C10orf143: variants seen among roughly 807,000 people sequenced by gnomAD.
C10orf143 encodes the protein uncharacterized protein C10orf143.
intron 3 of C10orf143, among the ~76,000 whole-genome samples, chr10:130,053,281 G>A (rs1432903879): frequency 2.0e-5 from 3 of 152,148 alleles, no homozygotes; most frequent in Admixed American, 6.5e-5. Context: ...GGATGGTCTC[G>A]ATCTCCTGAT....
At chr10:130,039,275 TGAG>T (rs984992521) in intron 3 of C10orf143, among the ~76,000 whole-genome samples, 10 of 152,226 alleles carry the variant, frequency 6.6e-5, no homozygotes, top group African/African-American at 2.2e-4. Context: ...TTTTGGGGGC[TGAG>T]AAGTCCCACA....
intron 1 of C10orf143, among the ~76,000 whole-genome samples, chr10:130,090,258 G>A (rs1411209945): frequency 6.6e-6 from 1 of 152,184 alleles, no homozygotes; most frequent in Non-Finnish European, 1.5e-5. Context: ...TGCAGCCCAT[G>A]GAGGGACAAC....
At chr10:130,053,621 C>T (rs1413919769) in intron 3 of C10orf143, among the ~76,000 whole-genome samples, 4 of 152,136 alleles carry the variant, frequency 2.6e-5, no homozygotes, top group Non-Finnish European at 4.4e-5. Flanking sequence ...CTCAAGGGGG[C>T]GAATGGCTGG....
chr10:130,091,762 T>G (rs1452306349), intron 1 of C10orf143, among the ~76,000 whole-genome samples: 2 of 152,052 alleles, frequency 1.3e-5, no homozygotes, highest in Non-Finnish European at 2.9e-5. Context: ...GAGAACTTCA[T>G]GAAGCATACA....
intron 3 of C10orf143, among the ~76,000 whole-genome samples, chr10:130,078,652 C>T (rs2134766413): frequency 6.6e-6 from 1 of 152,292 alleles, no homozygotes; most frequent in Non-Finnish European, 1.5e-5. Flanking sequence ...ATTAGAGGTT[C>T]ACCCTGTCAT....
At chr10:130,062,116 T>A (rs1483610514), downstream of C10orf143, among the ~76,000 whole-genome samples, 1 of 152,218 alleles carries the variant, frequency 6.6e-6, no homozygotes, top group East Asian at 1.9e-4. Flanking sequence ...CTGAGCCTTC[T>A]ATTTCATGGC....
chr10:130,065,880 C>T lies in C10orf143; in HGVS notation c.298-1497G>A, dbSNP rs2134746500. On this transcript the variant is annotated intron_variant, in intron 3 of 3. Transcript: ENST00000637128. The surrounding 1 kb of genome is among the most constrained non-coding windows in gnomAD (Gnocchi z 4.2). Reference sequence around the variant, plus strand: ...CTGAAGGGGCAGAGTCAGTGGAAGCCTGGGAGGCTCACTTGGAGGTGCCGT... The same window carrying T: ...CTGAAGGGGCAGAGTCAGTGGAAGCTTGGGAGGCTCACTTGGAGGTGCCGT... The T allele has an allele frequency of 6.6e-6, 1 of 152,286 alleles. No homozygotes were observed. Among genetic ancestry groups the T allele is most frequent in the African/African-American group, 2.4e-5 (1 of 41,544 alleles). 9.4% of individuals were successfully genotyped at this position (152,286 alleles called of 1,614,324 possible).
At chr10:130,087,857 G>A (rs1861317444) in intron 1 of C10orf143, among the ~76,000 whole-genome samples, 1 of 152,204 alleles carries the variant, frequency 6.6e-6, no homozygotes, top group Non-Finnish European at 1.5e-5. Context: ...CACCGGTGGG[G>A]CTCTGCCATG....
At chr10:130,073,795 A>C (rs1177678559) in intron 3 of C10orf143, among the ~76,000 whole-genome samples, 2 of 152,182 alleles carry the variant, frequency 1.3e-5, no homozygotes, top group African/African-American at 4.8e-5. Flanking sequence ...TAACAGTTAA[A>C]AATTTTTTTA....
chr10:130,046,681 G>C (rs933585673), intron 3 of C10orf143, among the ~76,000 whole-genome samples: 6 of 152,266 alleles, frequency 3.9e-5, no homozygotes, highest in Non-Finnish European at 8.8e-5. Context: ...GGAAACTGCC[G>C]TCTCCGCGCT....
intron 3 of C10orf143, among the ~76,000 whole-genome samples, chr10:130,046,220 G>A (rs1860670625): frequency 6.6e-6 from 1 of 151,642 alleles, no homozygotes; most frequent in Non-Finnish European, 1.5e-5. Flanking sequence ...GTGGGGTGGA[G>A]CGGGTGGGGC....
intron 3 of C10orf143, among the ~76,000 whole-genome samples, chr10:130,078,427 C>T (rs1861154976): frequency 6.6e-6 from 1 of 152,150 alleles, no homozygotes; most frequent in South Asian, 2.1e-4. Flanking sequence ...CGTTTGTATT[C>T]TAGGGTATGT....
rs768140520 is a variant in C10orf143, at chr10:130,036,374, G to A, written c.298-404C>T. ...ACCTCAGGCCCTCCTGTCATAGGAC[G>A]ATGGTAATCACCTGTCCAGGCAGCT... On this transcript the variant is annotated intron_variant and NMD_transcript_variant, in intron 3 of 5. Coordinates refer to the C10orf143 transcript ENST00000643056. Among the ~76,000 whole-genome samples the A allele has an allele frequency of 6.6e-5, 10 of 152,198 alleles. No homozygotes were observed. The South Asian group carries it at 1.5e-3, about 22-fold the overall frequency.
chr10:130,078,698 C>T (rs1214276986), intron 3 of C10orf143, among the ~76,000 whole-genome samples: 3 of 152,122 alleles, frequency 2.0e-5, no homozygotes, highest in Admixed American at 6.5e-5. Context: ...TTCAGGTCTC[C>T]GTTTGAAACA....
rs1860907869 is a variant in C10orf143, at chr10:130,065,009, C to T, written c.298-626G>A. 1 of 152,404 alleles carries T rather than the reference C, an allele frequency of 6.6e-6. No homozygotes were observed. Among genetic ancestry groups the T allele is most frequent in the Non-Finnish European group, 1.5e-5 (1 of 68,160 alleles). The allele number at this position is 152,404 out of a possible 1,614,324, so 9.4% of individuals were successfully genotyped here. On this transcript the variant is annotated intron_variant, in intron 3 of 3. Coordinates refer to ENST00000637128, the MANE Select transcript of C10orf143 (RefSeq NM_001355042.2). The surrounding 1 kb of genome is among the most constrained non-coding windows in gnomAD (Gnocchi z 4.2). The stretch of plus-strand genomic sequence containing the variant: ...TATCCTGGCACATAGCAGCGTGGCA[C>T]TCTGGCCCACAGGCAGAGACAGGCA...
At chr10:130,075,788 T>G (rs1170885940) in intron 3 of C10orf143, among the ~76,000 whole-genome samples, 1 of 149,526 alleles carries the variant, frequency 6.7e-6, no homozygotes, top group Non-Finnish European at 1.5e-5. Context: ...CCTCTGGCGC[T>G]CTCTCTCTCT....
At chr10:130,061,498 T>C (rs1413878128), downstream of C10orf143, among the ~76,000 whole-genome samples, 1 of 152,228 alleles carries the variant, frequency 6.6e-6, no homozygotes, top group Non-Finnish European at 1.5e-5. Context: ...CAAACTTACT[T>C]TGTGAAATTA....
At chr10:130,076,551 A>C (rs1259069238) in intron 3 of C10orf143, among the ~76,000 whole-genome samples, 5 of 152,178 alleles carry the variant, frequency 3.3e-5, no homozygotes, top group African/African-American at 1.2e-4. Flanking sequence ...ACCAGAGACC[A>C]CTAGGAAAAC....
chr10:130,087,559 T>A (rs923713245), intron 1 of C10orf143, among the ~76,000 whole-genome samples: 2 of 152,190 alleles, frequency 1.3e-5, no homozygotes, highest in African/African-American at 4.8e-5. Context: ...TCAGGAAGTC[T>A]TGCTGCCTGT....
Sources: gnomAD v4.1 joint callset for allele counts (sites outside exome capture counted in the v4.1 genomes callset) on GRCh38, gnomAD v4.1.1 for gene constraint, Gnocchi (gnomAD v3.1) non-coding constraint, MANE v1.5 for transcripts, NCBI Gene and HGNC (gene_info 2026-07-23, HGNC 2026-07-21) for gene names.